Variants in PARD3B observed in about 807,000 individuals in gnomAD.
The protein encoded by PARD3B is partitioning defective 3 homolog B.
Under a neutral mutation model 130.2 loss-of-function variants are expected in PARD3B, and 103 were observed. The ratio of observed to expected loss-of-function variants is 0.79; its 90% CI spans 0.67 to 0.93. PARD3B has a LOEUF of 0.93. PARD3B is among the 40% of genes least tolerant of loss of function. PARD3B has a pLI of 0.00. For missense variants in PARD3B, 1,609 were observed against 1,499.2 expected (o/e 1.07, Z -1.21); for synonymous variants, 583 against 553.2 (o/e 1.05, Z -0.76).
At chr2:205,448,117 C>T (rs532353366) in intron 20 of PARD3B, among the ~76,000 whole-genome samples, 62 of 152,224 alleles carry the variant, frequency 4.1e-4, no homozygotes, top group Non-Finnish European at 7.3e-4. Context: ...ATTTCTTCGG[C>T]ATAAACTCCC....
At chr2:205,118,540 C>G (rs2030204426) in intron 6 of PARD3B, among the ~76,000 whole-genome samples, 1 of 152,206 alleles carries the variant, frequency 6.6e-6, no homozygotes, top group Non-Finnish European at 1.5e-5. Context: ...TCCTAATGCT[C>G]TCCCACTGCT....
chr2:205,030,484 T>A (rs1354598876), intron 3 of PARD3B, among the ~76,000 whole-genome samples: 2 of 152,150 alleles, frequency 1.3e-5, no homozygotes, highest in Non-Finnish European at 2.9e-5. Context: ...GGTAAATGTG[T>A]TGCTTCTAAA....
At chr2:205,518,840 C>G (rs1384685433) in intron 21 of PARD3B, among the ~76,000 whole-genome samples, 1 of 152,104 alleles carries the variant, frequency 6.6e-6, no homozygotes, top group Non-Finnish European at 1.5e-5. Context: ...GCTTAGGAAC[C>G]TTAGTTTAGT....
chr2:205,222,891 A>G (rs1028821000), intron 15 of PARD3B, among the ~76,000 whole-genome samples: 1 of 151,754 alleles, frequency 6.6e-6, no homozygotes, highest in Non-Finnish European at 1.5e-5. Context: ...CAGAGACTTC[A>G]TAGTATCGTT....
chr2:205,134,078 A>C (rs923781665), intron 10 of PARD3B, among the ~76,000 whole-genome samples: 42 of 151,998 alleles, frequency 2.8e-4, no homozygotes, highest in African/African-American at 1.0e-3. Context: ...CCCTTTTACT[A>C]TGGTTGGACT....
Position 205,236,485 on chromosome 2 carries a change from C to T in PARD3B, c.2141-9293C>T, listed in dbSNP as rs186449424. ...GAAGACACAGGGAGAAGACAGCCATCTACGAGCCAAGGAGAGATGCCCCAG... is the reference window on the plus strand; with the variant it reads ...GAAGACACAGGGAGAAGACAGCCATTTACGAGCCAAGGAGAGATGCCCCAG... On this transcript the variant is annotated intron_variant, in intron 15 of 22. Coordinates refer to ENST00000406610, the MANE Select transcript of PARD3B (RefSeq NM_001302769.2). Among the ~76,000 whole-genome samples, 39 of 152,204 alleles carry T rather than the reference C, an allele frequency of 2.6e-4. No individual in the cohort carries two copies. The East Asian group carries it at 5.0e-3, about 20-fold the overall frequency.
At chr2:204,965,121 A>C in intron 2 of PARD3B, 31 bp from the exon 3 acceptor site, 1 of 1,604,676 alleles carries the variant, frequency 6.2e-7, no homozygotes, top group Non-Finnish European at 8.5e-7. Context: ...ATGTCCTACA[A>C]AGTAATTAGT....
intron 1 of PARD3B, among the ~76,000 whole-genome samples, chr2:204,647,039 T>C (rs577077014): frequency 6.6e-6 from 1 of 152,036 alleles, no homozygotes; most frequent in Admixed American, 6.6e-5. Context: ...CAAGATACAA[T>C]TTCTACTGAA....
chr2:204,586,634 G>T (rs183162461), intron 1 of PARD3B, among the ~76,000 whole-genome samples: 1 of 152,132 alleles, frequency 6.6e-6, no homozygotes, highest in East Asian at 1.9e-4. Context: ...CAATCAGAAA[G>T]AACATGTAGG....
At chr2:204,974,229 A>G (rs1691947399) in intron 3 of PARD3B, among the ~76,000 whole-genome samples, 2 of 152,198 alleles carry the variant, frequency 1.3e-5, no homozygotes, top group Admixed American at 6.5e-5. Context: ...AATTAGAGGA[A>G]AGGAAATTAT....
At chr2:204,951,737 T>G (rs989802725) in intron 2 of PARD3B, among the ~76,000 whole-genome samples, 2 of 151,994 alleles carry the variant, frequency 1.3e-5, no homozygotes, top group Non-Finnish European at 2.9e-5. Flanking sequence ...CCAAAACCAT[T>G]TTGGTAGGAT....
chr2:205,184,510 A>T (rs1193822650), intron 13 of PARD3B, among the ~76,000 whole-genome samples: 1 of 152,150 alleles, frequency 6.6e-6, no homozygotes, highest in Non-Finnish European at 1.5e-5. Context: ...TGGGAGGCGG[A>T]GATGAGTGGA....
intron 2 of PARD3B, among the ~76,000 whole-genome samples, chr2:204,754,672 C>A (rs2040593444): frequency 6.6e-6 from 1 of 152,004 alleles, no homozygotes; most frequent in Admixed American, 6.6e-5. Context: ...ACTGAAAATC[C>A]TAAGATAATA....
At chr2:204,750,595 C>CACATACATACATACATACAT in intron 2 of PARD3B, among the ~76,000 whole-genome samples, 1 of 149,668 alleles carries the variant, frequency 6.7e-6, no homozygotes, top group East Asian at 2.0e-4. Flanking sequence ...CAAAAATACA[C>CACATACATACATACATACAT]ACATACATAC....
At chr2:205,379,023 G>A (rs1387209483) in intron 18 of PARD3B, among the ~76,000 whole-genome samples, 1 of 151,824 alleles carries the variant, frequency 6.6e-6, no homozygotes, top group Non-Finnish European at 1.5e-5. Context: ...TTATCAGTAG[G>A]TTCCTTCAAA....
chr2:205,615,112 G>T (rs1463740888), intron 22 of PARD3B, among the ~76,000 whole-genome samples: 1 of 152,150 alleles, frequency 6.6e-6, no homozygotes, highest in Non-Finnish European at 1.5e-5. Flanking sequence ...AGATTGAAGT[G>T]TATTTTCCTC....
intron 2 of PARD3B, among the ~76,000 whole-genome samples, chr2:204,697,917 A>C (rs1004006134): frequency 6.6e-6 from 1 of 152,106 alleles, no homozygotes; most frequent in African/African-American, 2.4e-5. Context: ...AGATTTGCTG[A>C]GTCCTTCTGG....
chr2:205,428,164 C>G (rs1296738873), intron 19 of PARD3B, among the ~76,000 whole-genome samples: 2 of 152,058 alleles, frequency 1.3e-5, no homozygotes, highest in African/African-American at 2.4e-5. Context: ...AGGTTGATCG[C>G]TTGACCTCGG....
chr2:205,222,370 C>T (rs16837107), intron 15 of PARD3B, among the ~76,000 whole-genome samples: 20,874 of 152,112 alleles, frequency 0.14, 1,816 homozygotes, highest in African/African-American at 0.25. Flanking sequence ...TGCTGTTCCA[C>T]GTACAAACTT....
Sources: gnomAD v4.1 joint callset for allele counts (sites outside exome capture counted in the v4.1 genomes callset) on GRCh38, gnomAD v4.1.1 for gene constraint, MANE v1.5 for transcripts, NCBI Gene and HGNC (gene_info 2026-07-23, HGNC 2026-07-21) for gene names.